The following TSPAN5 variants were observed in gnomAD, a reference collection of about 807,000 sequenced individuals.
TSPAN5 encodes the protein tetraspanin 5, also known as tetraspanin-5.
Under a neutral mutation model 37.1 loss-of-function variants are expected in TSPAN5, and 10 were observed. The ratio of observed to expected loss-of-function variants is 0.27; its 90% CI spans 0.17 to 0.46. The LOEUF is 0.46. Among genes scored for constraint, TSPAN5 ranks in the 20% least tolerant of loss-of-function variants. The probability of loss-of-function intolerance (pLI) is 1.00; values close to 1 mark genes in which losing one functional copy is unlikely to be tolerated. For missense variants in TSPAN5, 195 were observed against 326.6 expected (o/e 0.60, Z 3.11); for synonymous variants, 110 against 118.9 (o/e 0.93, Z 0.48).
chr4:98,505,477 C>G (rs912505005), intron 2 of TSPAN5, among the ~76,000 whole-genome samples: 1 of 152,204 alleles, frequency 6.6e-6, no homozygotes, highest in African/African-American at 2.4e-5. Flanking sequence ...GTTCTTCCCC[C>G]ATACCCTGCA....
chr4:98,484,916 C>G (rs1752927715), intron 3 of TSPAN5: 1 of 195,690 alleles, frequency 5.1e-6, no homozygotes, highest in East Asian at 1.3e-4. Flanking sequence ...AGTTTGAGAC[C>G]AGCCTGGCCA....
intron 1 of TSPAN5, among the ~76,000 whole-genome samples, chr4:98,635,364 GA>G (rs1225063280): frequency 1.3e-5 from 2 of 152,284 alleles, no homozygotes; most frequent in East Asian, 3.9e-4. Context: ...GCCTGGGCCT[GA>G]TAGTACACCC....
intron 5 of TSPAN5, 125 bp downstream of exon 5, chr4:98,478,560 C>T (rs979501272): frequency 9.5e-6 from 11 of 1,152,840 alleles, no homozygotes; most frequent in Non-Finnish European, 1.3e-5. Flanking sequence ...TAACCCCCTA[C>T]AGGAGCTACA....
At chr4:98,521,659 G>C (rs1374722322) in intron 1 of TSPAN5, among the ~76,000 whole-genome samples, 1 of 152,182 alleles carries the variant, frequency 6.6e-6, no homozygotes. Flanking sequence ...AGAAGAGTTT[G>C]GTGTCTTAGA....
At chr4:98,477,898 G>T (rs189646534) in intron 5 of TSPAN5, among the ~76,000 whole-genome samples, 1 of 152,056 alleles carries the variant, frequency 6.6e-6, no homozygotes, top group Admixed American at 6.5e-5. Flanking sequence ...GGGCTCAAGG[G>T]ATCCTCCCAC....
intron 1 of TSPAN5, among the ~76,000 whole-genome samples, chr4:98,511,059 T>A (rs1404009674): frequency 6.6e-6 from 1 of 152,174 alleles, no homozygotes; most frequent in Non-Finnish European, 1.5e-5. Context: ...GGAGGCCCAC[T>A]TGCAGGAAAT....
intron 1 of TSPAN5, among the ~76,000 whole-genome samples, chr4:98,512,696 T>C (rs1212302544): frequency 6.6e-6 from 1 of 152,210 alleles, no homozygotes; most frequent in Admixed American, 6.5e-5. Context: ...CATTTTGAAA[T>C]TGGTACAGTG....
chr4:98,546,490 C>A (rs979494285), intron 1 of TSPAN5, among the ~76,000 whole-genome samples: 6 of 152,304 alleles, frequency 3.9e-5, no homozygotes, highest in Non-Finnish European at 8.8e-5. Flanking sequence ...TAGAAAATAT[C>A]AGACTATGGT....
At chr4:98,535,436 C>G (rs1361187477) in intron 1 of TSPAN5, among the ~76,000 whole-genome samples, 1 of 152,182 alleles carries the variant, frequency 6.6e-6, no homozygotes, top group Non-Finnish European at 1.5e-5. Context: ...TGTGGGTAAC[C>G]TGACCTTTCT....
At chr4:98,616,833 T>G (rs1306319181) in intron 1 of TSPAN5, among the ~76,000 whole-genome samples, 1 of 151,896 alleles carries the variant, frequency 6.6e-6, no homozygotes, top group Non-Finnish European at 1.5e-5. Context: ...AATTTCCAAA[T>G]TCTTGAATAC....
At chr4:98,567,174 G>T (rs1291127004) in intron 1 of TSPAN5, among the ~76,000 whole-genome samples, 2 of 152,190 alleles carry the variant, frequency 1.3e-5, no homozygotes, top group Non-Finnish European at 2.9e-5. Context: ...AACCTGTTGG[G>T]CCTATGAGGA....
intron 5 of TSPAN5, among the ~76,000 whole-genome samples, chr4:98,477,108 G>C (rs1752719337): frequency 6.6e-6 from 1 of 152,234 alleles, no homozygotes; most frequent in African/African-American, 2.4e-5. Flanking sequence ...GAAAGGGGAA[G>C]CATTAATGCC....
chr4:98,631,422 C>T (rs1756745115), intron 1 of TSPAN5, among the ~76,000 whole-genome samples: 1 of 152,156 alleles, frequency 6.6e-6, no homozygotes, highest in Non-Finnish European at 1.5e-5. Flanking sequence ...CGGGTGGGTG[C>T]ACCTGTACCT....
chr4:98,548,142 C>A (rs560275131), intron 1 of TSPAN5, among the ~76,000 whole-genome samples: 13 of 152,000 alleles, frequency 8.6e-5, no homozygotes, highest in African/African-American at 2.2e-4. Flanking sequence ...AGCATATGAA[C>A]CCCCAGTTAA....
intron 1 of TSPAN5, among the ~76,000 whole-genome samples, chr4:98,531,833 T>C (rs545183935): frequency 3.3e-5 from 5 of 152,246 alleles, no homozygotes; most frequent in Non-Finnish European, 5.9e-5. Context: ...CTTTTTTTCA[T>C]ATGTTTGTTG....
intron 2 of TSPAN5, among the ~76,000 whole-genome samples, chr4:98,506,378 C>G (rs770847597): frequency 6.6e-6 from 1 of 152,230 alleles, no homozygotes; most frequent in African/African-American, 2.4e-5. Flanking sequence ...ATAATCACTG[C>G]CCTGCCTCAA....
intron 1 of TSPAN5, among the ~76,000 whole-genome samples, chr4:98,509,167 A>C (rs1224006275): frequency 6.6e-6 from 1 of 152,234 alleles, no homozygotes; most frequent in African/African-American, 2.4e-5. Flanking sequence ...GTGTGATGGC[A>C]GCACACCGTT....
chr4:98,539,099 C>T (rs773133444), intron 1 of TSPAN5, among the ~76,000 whole-genome samples: 7 of 151,060 alleles, frequency 4.6e-5, no homozygotes, highest in Non-Finnish European at 8.8e-5. Flanking sequence ...ATCTCTGTAC[C>T]CTGTATTTGC....
At position 98,472,597 on chromosome 4, in the gene TSPAN5, G is replaced by T. The variant is rs75756375; in HGVS notation, c.742-10C>A. The T allele has an allele frequency of 2.5e-6, 4 of 1,612,128 alleles. No homozygotes were observed. Among genetic ancestry groups the T allele is most frequent in the Non-Finnish European group, 3.4e-6 (4 of 1,179,020 alleles). ...GGCATATCCCAAATATCTGAGAAAG[G>T]AAGAAAATGTGAGTGAAACAGTGAC... On this transcript the variant is annotated splice_polypyrimidine_tract_variant and intron_variant, in intron 7 of 7. Transcript: ENST00000305798.
Sources: gnomAD v4.1 joint callset for allele counts (sites outside exome capture counted in the v4.1 genomes callset) on GRCh38, gnomAD v4.1.1 for gene constraint, MANE v1.5 for transcripts, NCBI Gene and HGNC (gene_info 2026-07-23, HGNC 2026-07-21) for gene names.